Variants in KIAA1217 observed in about 807,000 individuals in gnomAD.
KIAA1217 encodes sickle tail protein homolog.
Under a neutral mutation model 163.9 loss-of-function variants are expected in KIAA1217, and 88 were observed. The ratio of observed to expected loss-of-function variants is 0.54; its 90% CI spans 0.45 to 0.64. KIAA1217 has a LOEUF of 0.64. Among genes scored for constraint, KIAA1217 ranks in the 30% least tolerant of loss-of-function variants. KIAA1217 has a pLI of 0.00. For synonymous variants in KIAA1217, 903 were observed against 923.1 expected (o/e 0.98, Z 0.39); for missense variants, 2,372 against 2,475.0 (o/e 0.96, Z 0.88).
rs2054451666 is a variant in KIAA1217 at position 24,389,036 on chromosome 10, C to T, written c.553+7969C>T. On this transcript the variant is annotated intron_variant, in intron 3 of 20. Transcript: ENST00000376454. ...TCTAGAACTAGAAATAGCATTTGAC[C>T]CAACCATCCCATTACTGGGCATATA... Among the ~76,000 whole-genome samples the T allele has an allele frequency of 2.0e-5, 3 of 151,940 alleles. No individual in the cohort carries two copies. The South Asian group carries it at 6.2e-4, about 32-fold the overall frequency.
chr10:24,322,394 C>G (rs757122016), intron 2 of KIAA1217, among the ~76,000 whole-genome samples: 1 of 152,158 alleles, frequency 6.6e-6, no homozygotes, highest in Non-Finnish European at 1.5e-5. Context: ...TAGTTAAACA[C>G]AAGTGGTGTA....
intron 2 of KIAA1217, among the ~76,000 whole-genome samples, chr10:24,128,753 G>A (rs2063552536): frequency 6.6e-6 from 1 of 152,342 alleles, no homozygotes; most frequent in African/African-American, 2.4e-5. Context: ...CAAGTTCATA[G>A]TTTATCAAGC....
chr10:24,158,270 T>G, intron 2 of KIAA1217: 1 of 717,938 alleles, frequency 1.4e-6, no homozygotes, highest in Non-Finnish European at 2.6e-6. Flanking sequence ...TCATGAAAGA[T>G]GACATTTTCT....
In KIAA1217 at chr10:23,870,354, T is replaced by C. The variant is rs554630644; in HGVS notation, c.-320-136871T>C. Among the ~76,000 whole-genome samples, 8 of 152,212 alleles carry C rather than the reference T, an allele frequency of 5.3e-5. No individual in the cohort carries two copies. The South Asian group carries it at 1.7e-3, about 32-fold the overall frequency. ...TGATTTCCTGGGGTTTGAAGTACTT[T>C]GAGTTTCAAATTCCATATTTTCATA... On this transcript the variant is annotated intron_variant, in intron 1 of 18. Coordinates refer to the KIAA1217 transcript ENST00000376462.
intron 1 of KIAA1217, among the ~76,000 whole-genome samples, chr10:23,994,122 C>T (rs1296041220): frequency 1.3e-5 from 2 of 152,136 alleles, no homozygotes; most frequent in African/African-American, 4.8e-5. Context: ...TTAGAGTCGT[C>T]TTTGGTCTAA....
intron 9 of KIAA1217, among the ~76,000 whole-genome samples, chr10:24,503,711 C>T (rs1020731146): frequency 2.0e-5 from 3 of 152,192 alleles, no homozygotes; most frequent in African/African-American, 7.2e-5. Flanking sequence ...TTACTGAGTA[C>T]TCTGCAGGCC....
chr10:24,404,566 CAAAAAAAAAAA>C (rs57209065), intron 3 of KIAA1217, among the ~76,000 whole-genome samples: 10 of 51,184 alleles, frequency 2.0e-4, no homozygotes, highest in Non-Finnish European at 2.6e-4. Context: ...GACTCTGTCT[CAAAAAAAAAAA>C]AAAAAAAAAA....
chr10:24,218,358 C>T (rs1379605970), intron 1 of KIAA1217, among the ~76,000 whole-genome samples: 1 of 152,126 alleles, frequency 6.6e-6, no homozygotes, highest in Non-Finnish European at 1.5e-5. Context: ...AAAGCCAGCT[C>T]AGAAGGCAGG....
At chr10:24,249,887 G>A (rs911127211) in intron 2 of KIAA1217, among the ~76,000 whole-genome samples, 19 of 152,170 alleles carry the variant, frequency 1.2e-4, no homozygotes, top group African/African-American at 3.9e-4. Context: ...TAAGGTGTGC[G>A]CTGTGAAACC....
chr10:24,162,397 C>T (rs1249208428), intron 2 of KIAA1217, among the ~76,000 whole-genome samples: 2 of 152,208 alleles, frequency 1.3e-5, no homozygotes, highest in Non-Finnish European at 2.9e-5. Context: ...CGCCATGAAT[C>T]GTCCTTGAGG....
chr10:23,711,406 A>G (rs181252667), intron 1 of KIAA1217, among the ~76,000 whole-genome samples: 1 of 152,308 alleles, frequency 6.6e-6, no homozygotes, highest in East Asian at 1.9e-4. Context: ...TGATGTAAGC[A>G]GAGGTCAAAG....
intron 1 of KIAA1217, among the ~76,000 whole-genome samples, chr10:23,915,501 G>A (rs1427552023): frequency 6.6e-6 from 1 of 152,134 alleles, no homozygotes; most frequent in African/African-American, 2.4e-5. Context: ...ATAAAGTGTG[G>A]TGTTTAGTTC....
At chr10:24,249,945 A>G (rs2074281020) in intron 2 of KIAA1217, among the ~76,000 whole-genome samples, 1 of 152,182 alleles carries the variant, frequency 6.6e-6, no homozygotes, top group Non-Finnish European at 1.5e-5. Flanking sequence ...TATCACAATC[A>G]TGCCAGGAAT....
chr10:24,288,137 AT>A (rs1249290529), intron 2 of KIAA1217, among the ~76,000 whole-genome samples: 1 of 151,706 alleles, frequency 6.6e-6, no homozygotes, highest in Non-Finnish European at 1.5e-5. Flanking sequence ...CTACTCCCTA[AT>A]TTTTTTTTCT....
Position 24,543,746 on chromosome 10 carries a change from A to T in KIAA1217, c.4476A>T (p.Val1492=), listed in dbSNP as rs149804476. ...AAGAGGAGGAAAATGGGGATTCTGT[A>T]GTCCAGAATAATAACACTTCCCAGA... is the stretch of plus-strand genomic sequence containing the variant. The part of the protein sequence containing the change: ...EEEEEENGDS[V]VQNNNTSQMS... The change falls in exon 19 of 21, where the codon GTA becomes GTT. Residue 1492 remains valine, a synonymous_variant. Transcript: ENST00000376454. 32 of 1,613,648 alleles carry T rather than the reference A, an allele frequency of 2.0e-5. No homozygotes were observed. The African/African-American group carries it at 3.3e-4, about 17-fold the overall frequency.
intron 5 of KIAA1217, among the ~76,000 whole-genome samples, chr10:24,442,204 G>A (rs2060553389): frequency 6.6e-6 from 1 of 152,044 alleles, no homozygotes; most frequent in Non-Finnish European, 1.5e-5. Context: ...TGACACCAGT[G>A]AATGGTCCCC....
intron 1 of KIAA1217, among the ~76,000 whole-genome samples, chr10:23,985,235 C>T (rs953671538): frequency 6.6e-6 from 1 of 152,192 alleles, no homozygotes; most frequent in African/African-American, 2.4e-5. Context: ...TAGACCTTTT[C>T]CTGACACAGT....
chr10:23,852,699 G>C (rs956643404), intron 1 of KIAA1217, among the ~76,000 whole-genome samples: 1 of 152,040 alleles, frequency 6.6e-6, no homozygotes, highest in East Asian at 1.9e-4. Context: ...ATTGAGCAGT[G>C]GTTTGTAGTT....
At chr10:24,523,422 A>C (rs1313960723) in intron 12 of KIAA1217, among the ~76,000 whole-genome samples, 1 of 152,230 alleles carries the variant, frequency 6.6e-6, no homozygotes, top group Non-Finnish European at 1.5e-5. Context: ...ATTGGGGTAA[A>C]AAAAGAAACA....
Sources: allele counts gnomAD v4.1 joint callset (sites outside exome capture counted in the v4.1 genomes callset), GRCh38; gene constraint gnomAD v4.1.1; transcripts MANE v1.5; gene names NCBI Gene and HGNC (gene_info 2026-07-23, HGNC 2026-07-21).